Variants in FCER2 observed in about 807,000 individuals in gnomAD.
FCER2 encodes low affinity immunoglobulin epsilon Fc receptor.
Under a neutral mutation model 49.7 loss-of-function variants are expected in FCER2, and 38 were observed. The observed-to-expected ratio is 0.76, with a 90% CI of 0.59 to 1.00. FCER2 has a LOEUF of 1.00. FCER2 is among the 50% of genes least tolerant of loss of function. The pLI, the probability that FCER2 is intolerant of heterozygous loss-of-function variation, is 0.00. For synonymous variants in FCER2, 163 were observed against 164.6 expected (o/e 0.99, Z 0.07); for missense variants, 425 against 419.5 (o/e 1.01, Z -0.11).
intron 3 of FCER2, 76 bp downstream of exon 3, chr19:7,698,665 G>A (rs2033081068): frequency 1.9e-6 from 3 of 1,557,566 alleles, no homozygotes; most frequent in Admixed American, 3.8e-5. Flanking sequence ...CCCCAGCTCT[G>A]AGATGGGGGT....
At chr19:7,693,416 G>A (rs1291604053) in intron 8 of FCER2, among the ~76,000 whole-genome samples, 1 of 151,852 alleles carries the variant, frequency 6.6e-6, no homozygotes, top group African/African-American at 2.4e-5. Flanking sequence ...CTCCCAGGTG[G>A]AAGGTTAAAC....
At chr19:7,693,377 G>T (rs12973524) in intron 8 of FCER2, among the ~76,000 whole-genome samples, 4 of 150,034 alleles carry the variant, frequency 2.7e-5, no homozygotes, top group Non-Finnish European at 5.9e-5. Flanking sequence ...CCCCACCGCA[G>T]TGAAACTCCC....
chr19:7,698,742 C>T lies in FCER2; in HGVS notation c.135G>A (p.Trp45Ter). 1.9e-6 allele frequency: 3 copies of T among 1,612,206 alleles called. No individual in the cohort carries two copies. Among genetic ancestry groups the T allele is most frequent in the Non-Finnish European group, 2.5e-6 (3 of 1,179,404 alleles). Residue 45 changes from tryptophan (W) to a stop codon, truncating the protein, a stop_gained and splice_region_variant, in exon 3 of 11, where the codon TGG becomes TGA. Transcript: ENST00000597921. LOFTEE classifies it high-confidence loss of function. ...WAGLLTLLLL[W>*]HWDTTQSLKQ... ...ACATGGAGCTGGGGGTGTCCTCACG[C>T]CACAGGAGAAGCAGAGTCAGCAGCC...
intron 8 of FCER2, among the ~76,000 whole-genome samples, chr19:7,694,150 C>G (rs12461454): frequency 0.23 from 35,369 of 151,834 alleles, 4,480 homozygotes; most frequent in Admixed American, 0.34. Flanking sequence ...GATGAGTGTG[C>G]TTCTCACCCA....
Position 7,690,570 on chromosome 19 carries a change from A to G in FCER2, c.470-13T>C. 1 of 1,612,858 alleles carries G rather than the reference A, an allele frequency of 6.2e-7. No individual in the cohort carries two copies. The highest frequency in any genetic ancestry group is 8.5e-7 in the Non-Finnish European group (1 of 1,179,540). ...TTGCACACAAAGCCTGGGGTGGAGG[A>G]GAGGCTCGGGGGTGGGGCCAATGGA... On this transcript the variant is annotated splice_polypyrimidine_tract_variant and intron_variant, in intron 8 of 10. Coordinates refer to ENST00000597921, the MANE Select transcript of FCER2 (RefSeq NM_001220500.2).
chr19:7,693,412 G>A (rs1369324661), intron 8 of FCER2, among the ~76,000 whole-genome samples: 1 of 151,472 alleles, frequency 6.6e-6, no homozygotes, highest in African/African-American at 2.4e-5. Flanking sequence ...TCGCCTCCCA[G>A]GTGGAAGGTT....
Position 7,689,148 on chromosome 19 carries a change from T to G in FCER2, c.*45A>C. 4 of 1,350,028 alleles carry G rather than the reference T, an allele frequency of 3.0e-6. No individual in the cohort carries two copies. The highest frequency in any genetic ancestry group is 1.4e-5 in the African/African-American group (1 of 69,688). 83.6% of individuals were successfully genotyped at this position (1,350,028 alleles called of 1,614,324 possible). A position where few individuals can be genotyped will look rare whatever the true frequency, so the allele number is the denominator to read the frequency against. On this transcript the variant is annotated 3_prime_UTR_variant, in exon 11 of 11. Coordinates refer to ENST00000597921, the MANE Select transcript of FCER2 (RefSeq NM_001220500.2). ...CCACAAAGAGGCTTTTAGGCCGTGG[T>G]TGGGGGTCTTCAGGGTCTTGCTCTG...
In FCER2 at chr19:7,699,499, C is replaced by CT. The variant is rs1247501138; in HGVS notation, c.22+239dup. ...GCCGTTTTTTTTTTTTTTTCTTTTT[C>CT]TTTTTTTGTCAGGAGGGTGTTGAAT... is the stretch of plus-strand genomic sequence containing the variant. On this transcript the variant is annotated intron_variant, in intron 2 of 10. Transcript: ENST00000597921. 2.5e-3 allele frequency: 3,207 copies of CT among 1,282,574 alleles called. 10 individuals are homozygous for CT. The highest frequency in any genetic ancestry group is 2.9e-3 in the Non-Finnish European group (2,896 of 999,076). 79.4% of individuals were successfully genotyped at this position (1,282,574 alleles called of 1,614,324 possible).
intron 8 of FCER2, 50 bp from the exon 9 acceptor site, chr19:7,690,607 C>A (rs1202535869): frequency 6.3e-7 from 1 of 1,584,868 alleles, no homozygotes; most frequent in Non-Finnish European, 8.6e-7. Context: ...GTGCCTTGGG[C>A]ACCCTGGGCA....
intron 5 of FCER2, 37 bp downstream of exon 5, chr19:7,697,490 T>C (rs1191890025): frequency 6.4e-7 from 1 of 1,569,128 alleles, no homozygotes; most frequent in Non-Finnish European, 8.7e-7. Context: ...ACCCCCTCGC[T>C]TTTTCCCCTG....
intron 8 of FCER2, among the ~76,000 whole-genome samples, chr19:7,695,420 T>G (rs181534338): frequency 5.3e-5 from 8 of 152,212 alleles, no homozygotes; most frequent in Admixed American, 4.6e-4. Flanking sequence ...CTGGACTGCT[T>G]TAACGCAGAA....
rs141683974 is a variant in FCER2, at chr19:7,691,252, C to A, written c.470-695G>T. 1.2e-3 allele frequency among the ~76,000 whole-genome samples: 184 copies of A among 152,216 alleles called. 1 individual carries two copies. Among genetic ancestry groups the A allele is most frequent in the Middle Eastern group, 6.8e-3 (2 of 294 alleles). ...ACCACCAGCATCATCGCTACAAGCACCACCATGGCCAGAAGCACTTCAGTT... is the reference window on the plus strand; with the variant it reads ...ACCACCAGCATCATCGCTACAAGCAACACCATGGCCAGAAGCACTTCAGTT... On this transcript the variant is annotated intron_variant, in intron 8 of 10. Coordinates refer to ENST00000597921, the MANE Select transcript of FCER2 (RefSeq NM_001220500.2).
At chr19:7,693,149 G>T (rs572536153) in intron 8 of FCER2, among the ~76,000 whole-genome samples, 1 of 152,210 alleles carries the variant, frequency 6.6e-6, no homozygotes, top group East Asian at 1.9e-4. Context: ...CAAAACCAGT[G>T]CTGTGGCCAG....
Position 7,698,499 on chromosome 19 carries a change from C to T in FCER2, c.137-90G>A, listed in dbSNP as rs1416877876. The T allele has an allele frequency of 4.2e-5, 47 of 1,128,782 alleles. No homozygotes were observed. The East Asian group carries it at 1.1e-3, about 27-fold the overall frequency. The allele number at this position is 1,128,782 out of a possible 1,614,324, so 69.9% of individuals were successfully genotyped here. On this transcript the variant is annotated intron_variant, in intron 3 of 10. Coordinates refer to ENST00000597921, the MANE Select transcript of FCER2 (RefSeq NM_001220500.2). Reference sequence around the variant, plus strand: ...CCACCTCCCAGCTGGGGATGGAGGTCTTGGGTATAAGCCATGGAGGTGCTG... The same window carrying T: ...CCACCTCCCAGCTGGGGATGGAGGTTTTGGGTATAAGCCATGGAGGTGCTG...
chr19:7,698,398 T>G lies in FCER2; in HGVS notation c.148A>C (p.Thr50Pro). 1 of 1,612,284 alleles carries G rather than the reference T, an allele frequency of 6.2e-7. No homozygotes were observed. Among genetic ancestry groups the G allele is most frequent in the Non-Finnish European group, 8.5e-7 (1 of 1,178,874 alleles). ...TLLLLWHWDT[T>P]QSLKQLEERA... ...TCTTCCAGCTGTTTTAGACTCTGTGTGGTGTCCCAGTCTGGGGAGGGGGAG... is the reference window on the plus strand; with the variant it reads ...TCTTCCAGCTGTTTTAGACTCTGTGGGGTGTCCCAGTCTGGGGAGGGGGAG... Residue 50 changes from threonine (T) to proline (P), a missense_variant, in exon 4 of 11, where the codon ACA becomes CCA. Transcript: ENST00000597921.
chr19:7,695,450 GTC>G (rs2032985736), intron 8 of FCER2, among the ~76,000 whole-genome samples: 1 of 152,180 alleles, frequency 6.6e-6, no homozygotes, highest in African/African-American at 2.4e-5. Context: ...AATTGTAGGA[GTC>G]TCCAAATCTG....
At chr19:7,699,594 A>C in intron 2 of FCER2, 145 bp downstream of exon 2, 5 of 1,163,500 alleles carry the variant, frequency 4.3e-6, no homozygotes, top group Non-Finnish European at 6.2e-6. Flanking sequence ...GTCCGGCCTC[A>C]CCTCCTTACT....
Position 7,698,791 on chromosome 19 carries a change from AG to A in FCER2, c.85del (p.Leu29TrpfsTer2). 1 of 1,612,744 alleles carries A rather than the reference AG, an allele frequency of 6.2e-7. No individual in the cohort carries two copies. The highest frequency in any genetic ancestry group is 8.5e-7 in the Non-Finnish European group (1 of 1,179,464). On this transcript the variant is annotated frameshift_variant, in exon 3 of 11. Transcript: ENST00000597921. LOFTEE classifies it high-confidence loss of function. ...CCCAGCCCACAGAGCGGCGGTCACC[AG>A]CCCCAGCAGCACGATCTGAGTCCCA... ...RRGTQIVLLGLVTAALWAGLL... is the reference protein window; with the variant it reads ...RRGTQIVLLGXVTAALWAGLL...
At chr19:7,691,635 A>G (rs1351872110) in intron 8 of FCER2, among the ~76,000 whole-genome samples, 3 of 152,076 alleles carry the variant, frequency 2.0e-5, no homozygotes, top group East Asian at 1.9e-4. Flanking sequence ...CAGCACTTCA[A>G]CCACCAACAC....
Sources: allele counts gnomAD v4.1 joint callset (sites outside exome capture counted in the v4.1 genomes callset), GRCh38; gene constraint gnomAD v4.1.1; transcripts MANE v1.5; gene names NCBI Gene and HGNC (gene_info 2026-07-23, HGNC 2026-07-21).